The following SGCD variants were observed in gnomAD, a reference collection of about 807,000 sequenced individuals.
The protein encoded by SGCD is sarcoglycan delta, also known as delta-sarcoglycan.
Under a neutral mutation model 36.6 loss-of-function variants are expected in SGCD, and 18 were observed. The observed-to-expected ratio is 0.49, with a 90% confidence interval of 0.34 to 0.73. The LOEUF (loss-of-function observed/expected upper bound fraction) is 0.73. Among genes scored for constraint, SGCD ranks in the 30% least tolerant of loss-of-function variants. The probability of loss-of-function intolerance (pLI) is 0.01; values close to 1 mark genes in which losing one functional copy is unlikely to be tolerated. For missense variants in SGCD, 387 were observed against 346.7 expected (o/e 1.12, Z -0.92); for synonymous variants, 133 against 130.6 (o/e 1.02, Z -0.12).
chr5:155,969,935 T>G (rs938336087), intron 1 of SGCD, among the ~76,000 whole-genome samples: 7 of 152,112 alleles, frequency 4.6e-5, no homozygotes, highest in Non-Finnish European at 1.0e-4. Flanking sequence ...TTGCTTTTTT[T>G]TTCAGCTTGA....
At chr5:156,331,808 T>C (rs1254828816) in intron 2 of SGCD, among the ~76,000 whole-genome samples, 1 of 152,152 alleles carries the variant, frequency 6.6e-6, no homozygotes, top group Admixed American at 6.5e-5. Flanking sequence ...CTCATTGGGG[T>C]TGTGATATTG....
chr5:155,961,895 G>A (rs1221546117), intron 1 of SGCD, among the ~76,000 whole-genome samples: 1 of 152,056 alleles, frequency 6.6e-6, no homozygotes, highest in Non-Finnish European at 1.5e-5. Context: ...TATTTGGTAA[G>A]TACATATGAT....
intron 7 of SGCD, among the ~76,000 whole-genome samples, chr5:156,746,965 T>TTCTTAGG (rs1756963739): frequency 6.6e-6 from 1 of 152,034 alleles, no homozygotes; most frequent in African/African-American, 2.4e-5. Context: ...TTGAAATATA[T>TTCTTAGG]ATGAAAAAGA....
intron 7 of SGCD, among the ~76,000 whole-genome samples, chr5:156,654,729 G>C (rs916808236): frequency 6.6e-6 from 1 of 152,050 alleles, no homozygotes; most frequent in African/African-American, 2.4e-5. Flanking sequence ...AGCTAATCCT[G>C]TTATATTATT....
At chr5:156,549,145 A>G (rs1249226110) in intron 4 of SGCD, among the ~76,000 whole-genome samples, 1 of 152,000 alleles carries the variant, frequency 6.6e-6, no homozygotes, top group African/African-American at 2.4e-5. Context: ...ATATTTTAGG[A>G]CTATTTAACA....
At chr5:156,323,234 GAGA>G (rs1353097834), upstream of SGCD, among the ~76,000 whole-genome samples, 2 of 152,156 alleles carry the variant, frequency 1.3e-5, no homozygotes, top group Non-Finnish European at 2.9e-5. Flanking sequence ...TTCTGAATGA[GAGA>G]AGGAGTTGTT....
chr5:156,436,130 T>C (rs1260624660), intron 3 of SGCD, among the ~76,000 whole-genome samples: 1 of 152,210 alleles, frequency 6.6e-6, no homozygotes. Context: ...TTTCTCAATG[T>C]GGACCAGGTA....
intron 6 of SGCD, among the ~76,000 whole-genome samples, chr5:156,611,144 G>A (rs1581253265): frequency 3.3e-5 from 5 of 152,324 alleles, no homozygotes; most frequent in Admixed American, 6.5e-5. Context: ...CACGCTGGGA[G>A]CTGTAGACTG....
intron 3 of SGCD, among the ~76,000 whole-genome samples, chr5:156,392,437 A>G (rs1485820716): frequency 6.6e-6 from 1 of 152,146 alleles, no homozygotes; most frequent in East Asian, 1.9e-4. Flanking sequence ...TCAAACTTCT[A>G]AGGGGAGCAT....
chr5:156,694,780 T>C (rs550212276), intron 7 of SGCD, among the ~76,000 whole-genome samples: 16 of 152,224 alleles, frequency 1.1e-4, no homozygotes, highest in Non-Finnish European at 2.1e-4. Context: ...GCCCGTCTGG[T>C]TTTCCCACTG....
At chr5:156,168,063 A>C (rs181582180) in intron 3 of SGCD, among the ~76,000 whole-genome samples, 13 of 152,218 alleles carry the variant, frequency 8.5e-5, no homozygotes, top group African/African-American at 3.1e-4. Context: ...CATGACAGGA[A>C]GACTTTGTGG....
At chr5:155,978,841 A>G (rs1477444489) in intron 1 of SGCD, among the ~76,000 whole-genome samples, 1 of 151,948 alleles carries the variant, frequency 6.6e-6, no homozygotes, top group Non-Finnish European at 1.5e-5. Context: ...AAAAAAAAAG[A>G]GTTAAGGTGG....
chr5:155,981,585 C>CTT (rs1446837923), intron 1 of SGCD, among the ~76,000 whole-genome samples: 4 of 152,118 alleles, frequency 2.6e-5, no homozygotes, highest in African/African-American at 9.7e-5. Flanking sequence ...AGTGGTTGCC[C>CTT]TTTACGTTTT....
chr5:156,257,043 G>T (rs1765732711), intron 3 of SGCD, among the ~76,000 whole-genome samples: 1 of 152,032 alleles, frequency 6.6e-6, no homozygotes, highest in Non-Finnish European at 1.5e-5. Context: ...AGCCAGGCAT[G>T]GTGGCATGTT....
intron 3 of SGCD, among the ~76,000 whole-genome samples, chr5:156,223,304 T>C (rs900114037): frequency 3.0e-4 from 45 of 152,032 alleles, no homozygotes; most frequent in Admixed American, 6.6e-4. Context: ...TATTAGATGA[T>C]AGTGGAGATT....
chr5:156,558,088 A>AATATATAT lies in SGCD; in HGVS notation c.295-31114_295-31107dup, dbSNP rs67339181. On this transcript the variant is annotated intron_variant, in intron 4 of 8. Coordinates refer to ENST00000337851, the MANE Select transcript of SGCD (RefSeq NM_000337.6). ...ACTGAGTGTGTTATTAGTAAATACA[A>AATATATAT]ATATATATATATATATATATATATA... 6.3e-3 allele frequency among the ~76,000 whole-genome samples: 603 copies of AATATATAT among 95,500 alleles called. 5 individuals carry two copies. Among genetic ancestry groups the AATATATAT allele is most frequent in the African/African-American group, 0.015 (383 of 25,284 alleles). 62.7% of individuals were successfully genotyped at this position (95,500 alleles called of 152,430 possible).
intron 6 of SGCD, among the ~76,000 whole-genome samples, chr5:156,618,599 A>AG (rs1484915146): frequency 3.3e-5 from 5 of 151,346 alleles, no homozygotes; most frequent in African/African-American, 1.2e-4. Flanking sequence ...TCTCAAAAAA[A>AG]AAAAAAAAAA....
At chr5:156,193,172 T>A (rs1371372168) in intron 3 of SGCD, among the ~76,000 whole-genome samples, 4 of 152,162 alleles carry the variant, frequency 2.6e-5, no homozygotes, top group Non-Finnish European at 5.9e-5. Flanking sequence ...AGGCTAATTC[T>A]TCAAACATGG....
At chr5:156,669,543 G>A (rs956515673) in intron 7 of SGCD, among the ~76,000 whole-genome samples, 1 of 152,142 alleles carries the variant, frequency 6.6e-6, no homozygotes, top group African/African-American at 2.4e-5. Flanking sequence ...AAGTAATTCA[G>A]GTAAGCACAA....
Sources: allele counts gnomAD v4.1 joint callset (sites outside exome capture counted in the v4.1 genomes callset), GRCh38; gene constraint gnomAD v4.1.1; transcripts MANE v1.5; gene names NCBI Gene and HGNC (gene_info 2026-07-23, HGNC 2026-07-21).